DLG2: variants seen among roughly 807,000 people sequenced by gnomAD.
DLG2 encodes the protein disks large homolog 2.
DLG2 carries 45 observed loss-of-function variants against 132.5 expected under a neutral mutation model. That is an observed-to-expected ratio of 0.34 (90% CI 0.27 to 0.44). The LOEUF is 0.44. DLG2 is among the 20% of genes least tolerant of loss of function. DLG2 has a pLI of 1.00. For missense variants in DLG2, 1,045 were observed against 1,196.9 expected (o/e 0.87, Z 1.87); for synonymous variants, 424 against 419.6 (o/e 1.01, Z -0.13).
chr11:84,102,851 C>T (rs2092643087), intron 9 of DLG2, among the ~76,000 whole-genome samples: 1 of 152,082 alleles, frequency 6.6e-6, no homozygotes, highest in African/African-American at 2.4e-5. Context: ...TGATAACAAC[C>T]TAGAAACATT....
At chr11:83,620,710 A>G (rs1035719602) in intron 19 of DLG2, among the ~76,000 whole-genome samples, 1 of 151,196 alleles carries the variant, frequency 6.6e-6, no homozygotes, top group African/African-American at 2.4e-5. Flanking sequence ...CTCTACTAAA[A>G]ATACAAAAAA....
intron 3 of DLG2, 83 bp from the exon 4 acceptor site, chr11:85,285,448 A>G (rs1325772783): frequency 2.9e-5 from 39 of 1,327,194 alleles, no homozygotes. Flanking sequence ...ATATATAGAC[A>G]TACAGAAATT....
rs1451921277 is a variant in DLG2 at position 83,965,409 on chromosome 11, G to A, written c.1116C>T (p.Asn372=). Residue 372 remains asparagine (N), a synonymous_variant, in exon 13 of 28, where the codon AAC becomes AAT. Transcript: ENST00000376104. ...CTTTTAAATAAACTACCTCTGATGT[G>A]TTCTTTAATATTGCTACTGCCTCTT... The part of the protein sequence containing the change: ...THEEAVAILK[N]TSEVVYLKVG... 1 of 1,611,066 alleles carries A rather than the reference G, an allele frequency of 6.2e-7. No homozygotes were observed. Among genetic ancestry groups the A allele is most frequent in the African/African-American group, 1.3e-5 (1 of 74,696 alleles).
At chr11:83,534,372 T>G (rs2095832454) in intron 20 of DLG2, among the ~76,000 whole-genome samples, 2 of 152,186 alleles carry the variant, frequency 1.3e-5, no homozygotes, top group South Asian at 4.1e-4. Context: ...AGCTTTAAAT[T>G]TAAAGATGTG....
intron 15 of DLG2, among the ~76,000 whole-genome samples, chr11:83,909,073 C>T (rs1459175683): frequency 3.9e-5 from 6 of 152,160 alleles, no homozygotes; most frequent in Non-Finnish European, 7.4e-5. Flanking sequence ...TGCATCCTTG[C>T]CTCACTGAGT....
intron 6 of DLG2, among the ~76,000 whole-genome samples, chr11:84,645,148 T>C (rs1228639450): frequency 6.6e-6 from 1 of 152,260 alleles, no homozygotes; most frequent in East Asian, 1.9e-4. Flanking sequence ...AGGGAACTGG[T>C]TATGAAGGGA....
intron 18 of DLG2, among the ~76,000 whole-genome samples, chr11:83,638,365 G>C (rs1050647515): frequency 3.9e-5 from 6 of 152,118 alleles, no homozygotes; most frequent in African/African-American, 1.4e-4. Context: ...ACATTACTGT[G>C]AAAGTTATTA....
chr11:84,051,544 T>C (rs1455442224), intron 11 of DLG2, among the ~76,000 whole-genome samples: 1 of 148,300 alleles, frequency 6.7e-6, no homozygotes, highest in Non-Finnish European at 1.5e-5. Flanking sequence ...AAACACTGCA[T>C]GTTCTCACTC....
chr11:84,554,485 GC>G (rs1288205531), intron 6 of DLG2, among the ~76,000 whole-genome samples: 1 of 152,148 alleles, frequency 6.6e-6, no homozygotes, highest in African/African-American at 2.4e-5. Context: ...GGTAGCTCAT[GC>G]CTGTAATCCC....
chr11:84,883,711 A>C (rs551844133), intron 6 of DLG2, among the ~76,000 whole-genome samples: 3 of 152,194 alleles, frequency 2.0e-5, no homozygotes, highest in East Asian at 1.9e-4. Context: ...GTTAAATCAT[A>C]TTCTCACTCA....
At chr11:85,400,206 G>A (rs1483107682) in intron 3 of DLG2, among the ~76,000 whole-genome samples, 1 of 151,994 alleles carries the variant, frequency 6.6e-6, no homozygotes, top group African/African-American at 2.4e-5. Flanking sequence ...GGCCATCAGA[G>A]AAATGCAAAT....
At chr11:85,129,973 A>C (rs1045153470) in intron 5 of DLG2, among the ~76,000 whole-genome samples, 2 of 152,042 alleles carry the variant, frequency 1.3e-5, no homozygotes, top group African/African-American at 4.8e-5. Context: ...ACCAAACACC[A>C]CATGTTATCA....
chr11:84,126,757 T>C (rs555233113), intron 9 of DLG2, among the ~76,000 whole-genome samples: 1 of 152,336 alleles, frequency 6.6e-6, no homozygotes, highest in East Asian at 1.9e-4. Flanking sequence ...TCCTTTGTAG[T>C]ACTTAATTTA....
At position 85,129,340 on chromosome 11, in the gene DLG2, C is replaced by T. The variant is rs1471127255; in HGVS notation, c.283-17605G>A. The stretch of plus-strand genomic sequence containing the variant: ...CATTCTGCAAATCAATCTAACTAGA[C>T]TGGAGCTCTTAAGACTTTAAACAAT... On this transcript the variant is annotated intron_variant, in intron 5 of 27. Coordinates refer to ENST00000376104, the MANE Select transcript of DLG2 (RefSeq NM_001142699.3). Among the ~76,000 whole-genome samples, 4 of 152,178 alleles carry T rather than the reference C, an allele frequency of 2.6e-5. No homozygotes were observed. The East Asian group carries it at 7.7e-4, about 29-fold the overall frequency.
chr11:85,441,697 CT>C (rs2091785851), intron 3 of DLG2, among the ~76,000 whole-genome samples: 1 of 152,122 alleles, frequency 6.6e-6, no homozygotes, highest in African/African-American at 2.4e-5. Context: ...GTGGTAAATG[CT>C]ATGATTCACT....
At chr11:84,487,926 G>T (rs2099155080) in intron 7 of DLG2, among the ~76,000 whole-genome samples, 1 of 152,106 alleles carries the variant, frequency 6.6e-6, no homozygotes, top group South Asian at 2.1e-4. Flanking sequence ...ATGTATTTCA[G>T]GAAGATAATC....
intron 7 of DLG2, among the ~76,000 whole-genome samples, chr11:84,497,989 A>G (rs2154501473): frequency 6.6e-6 from 1 of 152,286 alleles, no homozygotes; most frequent in South Asian, 2.1e-4. Context: ...AAAGCAAATG[A>G]CTACCAAGTA....
At chr11:84,386,531 G>A (rs1264379642) in intron 7 of DLG2, among the ~76,000 whole-genome samples, 1 of 151,932 alleles carries the variant, frequency 6.6e-6, no homozygotes, top group Non-Finnish European at 1.5e-5. Context: ...ATAATTTTAA[G>A]ATTGTTGATA....
chr11:85,520,432 C>G (rs1432330750), intron 3 of DLG2, among the ~76,000 whole-genome samples: 1 of 151,406 alleles, frequency 6.6e-6, no homozygotes, highest in Non-Finnish European at 1.5e-5. Context: ...AAGAAGTCTG[C>G]CAGGTTCAAT....
Sources: allele counts gnomAD v4.1 joint callset (sites outside exome capture counted in the v4.1 genomes callset), GRCh38; gene constraint gnomAD v4.1.1; transcripts MANE v1.5; gene names NCBI Gene and HGNC (gene_info 2026-07-23, HGNC 2026-07-21).